PFDN1: variants seen among roughly 807,000 people sequenced by gnomAD.
The protein encoded by PFDN1 is prefoldin subunit 1.
Under a neutral mutation model 17.3 loss-of-function variants are expected in PFDN1, and 6 were observed. The observed-to-expected ratio is 0.35, with a 90% CI of 0.19 to 0.69. The LOEUF (loss-of-function observed/expected upper bound fraction) is 0.69. Ranked by LOEUF, PFDN1 falls within the 30% of genes least tolerant of loss-of-function variation. The pLI, the probability that PFDN1 is intolerant of heterozygous loss-of-function variation, is 0.65. For missense variants in PFDN1, 113 were observed against 146.2 expected (o/e 0.77, Z 1.17); for synonymous variants, 58 against 50.1 (o/e 1.16, Z -0.67).
intron 2 of PFDN1, among the ~76,000 whole-genome samples, chr5:140,285,991 T>G (rs532876378): frequency 2.0e-5 from 3 of 152,030 alleles, no homozygotes; most frequent in Admixed American, 1.3e-4. Flanking sequence ...AAATAAATTT[T>G]TTTAAAAAAG....
At chr5:140,283,479 C>T (rs908443932) in intron 2 of PFDN1, among the ~76,000 whole-genome samples, 4 of 152,142 alleles carry the variant, frequency 2.6e-5, no homozygotes, top group South Asian at 4.1e-4. Context: ...GTGATCTGCC[C>T]GCCTCGGCCT....
intron 2 of PFDN1, among the ~76,000 whole-genome samples, chr5:140,291,360 G>A (rs1347727819): frequency 6.6e-6 from 1 of 152,142 alleles, no homozygotes; most frequent in Admixed American, 6.6e-5. Flanking sequence ...CTGAATATAA[G>A]ATTGAAAGAG....
intron 3 of PFDN1, among the ~76,000 whole-genome samples, chr5:140,280,259 A>AT (rs11385240): frequency 0.77 from 116,624 of 151,754 alleles, 45,919 homozygotes; most frequent in African/African-American, 0.94. Context: ...GCAAAAATGC[A>AT]TTTTGTTTTA....
intron 3 of PFDN1, among the ~76,000 whole-genome samples, chr5:140,252,411 G>A (rs181021452): frequency 4.6e-5 from 7 of 152,206 alleles, no homozygotes; most frequent in East Asian, 3.9e-4. Flanking sequence ...TGGGAGTCAC[G>A]GTTTCTGACC....
At chr5:140,251,638 A>G (rs1260170685) in intron 3 of PFDN1, among the ~76,000 whole-genome samples, 1 of 152,216 alleles carries the variant, frequency 6.6e-6, no homozygotes, top group African/African-American at 2.4e-5. Context: ...TCACAAGGGA[A>G]GTCTCTAGTG....
intron 3 of PFDN1, among the ~76,000 whole-genome samples, chr5:140,252,253 G>A (rs994291820): frequency 6.6e-6 from 1 of 152,078 alleles, no homozygotes; most frequent in Non-Finnish European, 1.5e-5. Context: ...GGATGTATAC[G>A]GATATGTACT....
chr5:140,253,868 C>T (rs915924812), intron 3 of PFDN1, among the ~76,000 whole-genome samples: 1 of 152,154 alleles, frequency 6.6e-6, no homozygotes, highest in African/African-American at 2.4e-5. Flanking sequence ...GGATCACCTG[C>T]GAACTTATTA....
At chr5:140,271,474 G>C (rs1276051008) in intron 3 of PFDN1, among the ~76,000 whole-genome samples, 2 of 152,128 alleles carry the variant, frequency 1.3e-5, no homozygotes, top group Non-Finnish European at 2.9e-5. Context: ...ATCTTGCATT[G>C]ATTTCTAAGA....
At chr5:140,267,544 C>CA (rs1292300488) in intron 3 of PFDN1, among the ~76,000 whole-genome samples, 2 of 152,172 alleles carry the variant, frequency 1.3e-5, no homozygotes. Context: ...GCACTTTAAA[C>CA]AAAAAATCCA....
chr5:140,271,933 C>T (rs535979442), intron 3 of PFDN1, among the ~76,000 whole-genome samples: 5 of 148,598 alleles, frequency 3.4e-5, no homozygotes, highest in East Asian at 1.9e-4. Flanking sequence ...CATATATATA[C>T]ATAAAATACA....
At chr5:140,278,025 A>T (rs1235383867) in intron 3 of PFDN1, among the ~76,000 whole-genome samples, 1 of 151,780 alleles carries the variant, frequency 6.6e-6, no homozygotes, top group Non-Finnish European at 1.5e-5. Context: ...CCTGGCCAAC[A>T]TGGTGAAACC....
At chr5:140,258,474 T>G in intron 3 of PFDN1, among the ~76,000 whole-genome samples, 1 of 148,230 alleles carries the variant, frequency 6.7e-6, no homozygotes, top group African/African-American at 2.5e-5. Context: ...TGGGAAGCAC[T>G]GGATTAGAGA....
At chr5:140,297,468 C>T (rs566945797) in intron 2 of PFDN1, among the ~76,000 whole-genome samples, 2 of 152,294 alleles carry the variant, frequency 1.3e-5, no homozygotes, top group African/African-American at 4.8e-5. Context: ...AAACAACAAA[C>T]GCTATTCACC....
chr5:140,300,721 T>G, intron 1 of PFDN1, 139 bp from the exon 2 acceptor site: 3 of 596,802 alleles, frequency 5.0e-6, no homozygotes, highest in Non-Finnish European at 8.8e-6. Context: ...AAAGTCAACA[T>G]AACTGTAAAC....
intron 1 of PFDN1, among the ~76,000 whole-genome samples, chr5:140,302,356 C>T (rs1765761259): frequency 6.6e-6 from 1 of 152,190 alleles, no homozygotes; most frequent in Non-Finnish European, 1.5e-5. Flanking sequence ...ATCTGAATAA[C>T]AACACATTTA....
Position 140,245,839 on chromosome 5 carries a change from C to G in PFDN1, c.*135G>C. 1 of 655,274 alleles carries G rather than the reference C, an allele frequency of 1.5e-6. No individual in the cohort carries two copies. The highest frequency in any genetic ancestry group is 2.4e-5 in the Admixed American group (1 of 41,520). 40.6% of individuals were successfully genotyped at this position (655,274 alleles called of 1,614,324 possible). ...GAAGCAAATGGGGCTCAGGGTGATG[C>G]AGAAAATGTGATGTTGCCAGGCCAT... On this transcript the variant is annotated 3_prime_UTR_variant, in exon 4 of 4. Transcript: ENST00000261813.
chr5:140,257,318 C>G (rs544001325), intron 3 of PFDN1, among the ~76,000 whole-genome samples: 9 of 152,112 alleles, frequency 5.9e-5, no homozygotes, highest in Non-Finnish European at 4.4e-5. Context: ...CATGGCCTCA[C>G]TCCTGCCAAC....
At chr5:140,283,264 GCT>G (rs1282132331) in intron 2 of PFDN1, among the ~76,000 whole-genome samples, 2 of 151,788 alleles carry the variant, frequency 1.3e-5, no homozygotes, top group African/African-American at 4.8e-5. Context: ...ACGGAGTCTC[GCT>G]CTGTTGCCCA....
intron 3 of PFDN1, among the ~76,000 whole-genome samples, chr5:140,266,161 G>A (rs534139987): frequency 6.6e-6 from 1 of 152,200 alleles, no homozygotes; most frequent in East Asian, 1.9e-4. Flanking sequence ...GAGGATTTGG[G>A]CCTTAATCAC....
Sources: gnomAD v4.1 joint callset for allele counts (sites outside exome capture counted in the v4.1 genomes callset) on GRCh38, gnomAD v4.1.1 for gene constraint, MANE v1.5 for transcripts, NCBI Gene and HGNC (gene_info 2026-07-23, HGNC 2026-07-21) for gene names.